MYO7B: variants seen among roughly 807,000 people sequenced by gnomAD.
MYO7B encodes myosin VIIB.
In MYO7B, 212 loss-of-function variants were observed where a neutral mutation model predicts 259.7. That is an observed-to-expected ratio of 0.82 (90% CI 0.73 to 0.91). The LOEUF (loss-of-function observed/expected upper bound fraction) is 0.91. Ranked by LOEUF, MYO7B falls within the 40% of genes least tolerant of loss-of-function variation. The pLI, the probability that MYO7B is intolerant of heterozygous loss-of-function variation, is 0.00. For synonymous variants in MYO7B, 1,197 were observed against 1,166.4 expected, an observed-to-expected ratio of 1.03 and a Z score of -0.54; for missense variants, 2,732 against 2,813.5, an observed-to-expected ratio of 0.97 and a Z score of 0.66.
chr2:127,617,498 T>G (rs945771874), intron 26 of MYO7B, among the ~76,000 whole-genome samples: 3 of 130,204 alleles, frequency 2.3e-5, no homozygotes, highest in South Asian at 3.0e-4. Flanking sequence ...TTTTTTTTTT[T>G]TTTTTTTTTT....
In MYO7B at chr2:127,612,569, A is replaced by G; in HGVS notation, c.3364A>G (p.Ile1122Val). The change falls in exon 26 of 48, where the codon ATC becomes GTC. Residue 1122 changes from isoleucine (I) to valine (V), a missense_variant. Ile to Val is a conservative substitution (Grantham distance 29). Around this residue, in one of 3 missense-constraint regions of MYO7B, gnomAD observed 1,906 missense variants for 2,026.4 expected, o/e 0.94. Transcript: ENST00000409816. ...PMSNLEKVHF[I>V]VGYAILRPSL... Reference sequence around the variant, plus strand: ...GTCCAACCTGGAGAAGGTGCACTTCATCGTGGGCTACGCCATCCTGCGGCC... The same window carrying G: ...GTCCAACCTGGAGAAGGTGCACTTCGTCGTGGGCTACGCCATCCTGCGGCC... 5.0e-6 allele frequency: 8 copies of G among 1,606,834 alleles called. No homozygotes were observed. The highest frequency in any genetic ancestry group is 6.8e-6 in the Non-Finnish European group (8 of 1,176,988).
At chr2:127,591,884 G>A (rs1472700011) in intron 16 of MYO7B, among the ~76,000 whole-genome samples, 1 of 152,182 alleles carries the variant, frequency 6.6e-6, no homozygotes, top group Non-Finnish European at 1.5e-5. Flanking sequence ...TCAGCTCCCT[G>A]GGGCCAAAGG....
chr2:127,622,649 G>A lies in MYO7B; in HGVS notation c.3645+548G>A, dbSNP rs1161097947. Among the ~76,000 whole-genome samples the A allele has an allele frequency of 3.3e-5, 5 of 152,224 alleles. No homozygotes were observed. The East Asian group carries it at 7.7e-4, about 23-fold the overall frequency. ...GCAGGTGCCCGCCCTGTGACCCGAG[G>A]TGCCCTATACCAGGAGCTGTGGGTC... On this transcript the variant is annotated intron_variant, in intron 28 of 47. Transcript: ENST00000409816.
Position 127,623,341 on chromosome 2 carries a change from TG to T in MYO7B, c.3788del (p.Gly1263AlafsTer22). Reference sequence around the variant, plus strand: ...CACAAGCAGGGCCTCAGCGACCACCTGGGCTTCTCCCTCCAGGTCGCCGTGT... The same window carrying T: ...CACAAGCAGGGCCTCAGCGACCACCTGGCTTCTCCCTCCAGGTCGCCGTGT... Reference protein sequence around the residue: ...IAHKQGLSDHLGFSLQVAVYD... With the variant: ...IAHKQGLSDHXGFSLQVAVYD... On this transcript the variant is annotated frameshift_variant, in exon 29 of 48. Transcript: ENST00000409816. LOFTEE classifies it high-confidence loss of function. 13 of 1,607,464 alleles carry T rather than the reference TG, an allele frequency of 8.1e-6. No individual in the cohort carries two copies. Among genetic ancestry groups the T allele is most frequent in the Non-Finnish European group, 1.0e-5 (12 of 1,176,876 alleles).
chr2:127,565,108 C>T (rs1320887249), intron 3 of MYO7B, 125 bp from the exon 4 acceptor site: 2 of 1,247,748 alleles, frequency 1.6e-6, no homozygotes, highest in African/African-American at 3.0e-5. Flanking sequence ...TGGCCACTGC[C>T]CCAGGTCAGC....
intron 14 of MYO7B, among the ~76,000 whole-genome samples, chr2:127,588,011 T>C (rs1426007785): frequency 6.6e-6 from 1 of 152,202 alleles, no homozygotes; most frequent in East Asian, 1.9e-4. Flanking sequence ...CACCAACATA[T>C]GAATTTTAGG....
At chr2:127,565,499 G>T (rs1482298702) in intron 4 of MYO7B, 114 bp downstream of exon 4, 2 of 1,348,578 alleles carry the variant, frequency 1.5e-6, no homozygotes, top group Admixed American at 2.3e-5. Context: ...CTCACTGAGG[G>T]AGGTGGGCGA....
At position 127,588,482 on chromosome 2, in the gene MYO7B, A is replaced by T. The variant is rs1679388549; in HGVS notation, c.1781A>T (p.Asn594Ile). The T allele has an allele frequency of 6.2e-7, 1 of 1,613,230 alleles. No individual in the cohort carries two copies. Among genetic ancestry groups the T allele is most frequent in the Admixed American group, 1.7e-5 (1 of 60,006 alleles). ...SKNKFLREIF[N>I]LELAETKLGH... is the part of the protein sequence containing the mutation. ...AACAAGTTTCTGAGGGAGATATTCAACTTGGAGTTAGCAGAGACCAAGCTG... is the reference window on the plus strand; with the variant it reads ...AACAAGTTTCTGAGGGAGATATTCATCTTGGAGTTAGCAGAGACCAAGCTG... Residue 594 changes from asparagine to isoleucine, a missense_variant, in exon 15 of 48, where the codon AAC (asparagine) becomes ATC (isoleucine). Coordinates refer to ENST00000409816, the MANE Select transcript of MYO7B (RefSeq NM_001393586.1).
chr2:127,615,367 C>T lies in MYO7B; in HGVS notation c.3398+2764C>T, dbSNP rs1052419623. 2.6e-5 allele frequency among the ~76,000 whole-genome samples: 4 copies of T among 151,950 alleles called. No individual in the cohort carries two copies. Among genetic ancestry groups the T allele is most frequent in the East Asian group, 1.9e-4 (1 of 5,182 alleles). On this transcript the variant is annotated intron_variant, in intron 26 of 47. Coordinates refer to ENST00000409816, the MANE Select transcript of MYO7B (RefSeq NM_001393586.1). The surrounding 1 kb of genome is among the most constrained non-coding windows in gnomAD (Gnocchi z 4.4). ...ATGAGACAGAACAAAGGGGGATGAA[C>T]GTAGAAATGAAAACTGAAGACAAAA...
In MYO7B at chr2:127,637,493, C is replaced by A; in HGVS notation, c.*76C>A. On this transcript the variant is annotated 3_prime_UTR_variant, in exon 48 of 48. Transcript: ENST00000409816. ...GCGGCACCTTCCCAGGCCCTCTCAA[C>A]CCAGGGCCTGTCCTTGGCGGGCAGC... 1 of 1,124,824 alleles carries A rather than the reference C, an allele frequency of 8.9e-7. No homozygotes were observed. The highest frequency in any genetic ancestry group is 1.7e-5 in the South Asian group (1 of 59,776). 69.7% of individuals were successfully genotyped at this position (1,124,824 alleles called of 1,614,324 possible).
At chr2:127,536,972 T>A (rs1399127025) in intron 1 of MYO7B, among the ~76,000 whole-genome samples, 1 of 152,210 alleles carries the variant, frequency 6.6e-6, no homozygotes, top group Non-Finnish European at 1.5e-5. Context: ...ACCACAGGGA[T>A]GACCTATATG....
Position 127,628,202 on chromosome 2 carries a change from T to G in MYO7B, c.4461-170T>G. On this transcript the variant is annotated intron_variant, in intron 33 of 47. Transcript: ENST00000409816. This position sits in a 1 kb window ranked among gnomAD's most constrained non-coding sequence, Gnocchi z 4.8. ...CGAGAGGTCCTGTGCTCCGCCGTCC[T>G]TCATTTGTCCAGACCCACAGTGGTG... 1.2e-6 allele frequency: 1 copy of G among 815,854 alleles called. No individual in the cohort carries two copies. The highest frequency in any genetic ancestry group is 2.0e-6 in the Non-Finnish European group (1 of 490,888). The allele number at this position is 815,854 out of a possible 1,614,324, so 50.5% of individuals were successfully genotyped here. A position where few individuals can be genotyped will look rare whatever the true frequency, so the allele number is the denominator to read the frequency against.
At chr2:127,596,320 T>A in intron 18 of MYO7B, 142 bp from the exon 19 acceptor site, 1 of 656,882 alleles carries the variant, frequency 1.5e-6, no homozygotes, top group Non-Finnish European at 2.8e-6. Flanking sequence ...AACATCAAGG[T>A]CACTTTGAGG....
intron 19 of MYO7B, among the ~76,000 whole-genome samples, chr2:127,603,526 T>C (rs1424631167): frequency 6.6e-6 from 1 of 152,240 alleles, no homozygotes; most frequent in East Asian, 1.9e-4. Flanking sequence ...TTCTGAGCAG[T>C]AGGTCTCAAT....
At chr2:127,623,887 G>A (rs532615171) in intron 29 of MYO7B, among the ~76,000 whole-genome samples, 1 of 152,342 alleles carries the variant, frequency 6.6e-6, no homozygotes, top group Admixed American at 6.5e-5. Context: ...GGGCTGCAGG[G>A]AGAGTAATGG....
intron 24 of MYO7B, among the ~76,000 whole-genome samples, 159 bp downstream of exon 24, chr2:127,610,175 C>T (rs1212064230): frequency 2.0e-5 from 3 of 152,208 alleles, no homozygotes; most frequent in Non-Finnish European, 4.4e-5. Flanking sequence ...GGTGCAGGCA[C>T]TTTCAGTATT....
intron 1 of MYO7B, among the ~76,000 whole-genome samples, chr2:127,542,246 T>C (rs1218640138): frequency 3.9e-5 from 6 of 152,166 alleles, no homozygotes; most frequent in Non-Finnish European, 7.4e-5. Flanking sequence ...CCCTTCTTCA[T>C]GGGGAGCCCT....
chr2:127,634,165 T>C lies in MYO7B; in HGVS notation c.5512-11T>C. The C allele has an allele frequency of 6.3e-7, 1 of 1,592,118 alleles. No individual in the cohort carries two copies. The highest frequency in any genetic ancestry group is 8.5e-7 in the Non-Finnish European group (1 of 1,169,784). ...CAGGCCCCGGGCCTCACCAGCTGCC[T>C]CTCTGTCCAGATGCTGGAGGTGGTT... On this transcript the variant is annotated splice_polypyrimidine_tract_variant and intron_variant, in intron 40 of 47. Transcript: ENST00000409816.
intron 1 of MYO7B, among the ~76,000 whole-genome samples, chr2:127,537,709 G>GGAGGAGAAGGAGAAGGAGGA (rs1455772635): frequency 4.0e-5 from 6 of 151,268 alleles, no homozygotes; most frequent in African/African-American, 1.5e-4. Flanking sequence ...GAGGAGGAGG[G>GGAGGAGAAGGAGAAGGAGGA]GGAGGAGAAG....
Sources: allele counts gnomAD v4.1 joint callset (sites outside exome capture counted in the v4.1 genomes callset), GRCh38; gene constraint gnomAD v4.1.1; regional missense constraint gnomAD v4.1.1; non-coding constraint Gnocchi (gnomAD v3.1); transcripts MANE v1.5; gene names NCBI Gene and HGNC (gene_info 2026-07-23, HGNC 2026-07-21).